Variants in GALNTL6 observed in about 807,000 individuals in gnomAD.
GALNTL6 encodes polypeptide N-acetylgalactosaminyltransferase-like 6.
GALNTL6 carries 46 observed loss-of-function variants against 73.7 expected under a neutral mutation model. That is an observed-to-expected ratio of 0.62 (90% CI 0.49 to 0.80). GALNTL6 has a LOEUF of 0.80. Among genes scored for constraint, GALNTL6 ranks in the 30% least tolerant of loss-of-function variants. The pLI, the probability that GALNTL6 is intolerant of heterozygous loss-of-function variation, is 0.00. For synonymous variants in GALNTL6, 259 were observed against 263.7 expected (o/e 0.98, Z 0.17); for missense variants, 604 against 755.0 (o/e 0.80, Z 2.34).
At chr4:172,955,558 T>C (rs941178459) in intron 10 of GALNTL6, among the ~76,000 whole-genome samples, 1 of 152,192 alleles carries the variant, frequency 6.6e-6, no homozygotes, top group Admixed American at 6.5e-5. Flanking sequence ...TGTTGACACA[T>C]GCGATTTCTT....
chr4:172,944,451 TAA>T, intron 9 of GALNTL6, among the ~76,000 whole-genome samples: 1 of 152,322 alleles, frequency 6.6e-6, no homozygotes. Flanking sequence ...TGGCCAAAAT[TAA>T]AAAGACTGAC....
intron 2 of GALNTL6, among the ~76,000 whole-genome samples, chr4:172,060,998 G>T (rs953878382): frequency 6.6e-5 from 10 of 151,988 alleles, no homozygotes; most frequent in Non-Finnish European, 1.3e-4. Context: ...AATATGTTTG[G>T]TACTAATGTG....
rs1484400559 is a variant in GALNTL6 at position 172,512,406 on chromosome 4, C to T, written c.553+163717C>T. 5.9e-5 allele frequency among the ~76,000 whole-genome samples: 9 copies of T among 151,326 alleles called. No homozygotes were observed. In the East Asian group the frequency reaches 1.4e-3, roughly 23 times the overall value. ...TCTTATCCATTCTGCCATTCTGTATCTTTTAAGTGGAGCATTTAGGCCATT... is the reference window on the plus strand; with the variant it reads ...TCTTATCCATTCTGCCATTCTGTATTTTTTAAGTGGAGCATTTAGGCCATT... On this transcript the variant is annotated intron_variant, in intron 5 of 12. Transcript: ENST00000506823.
chr4:172,281,610 C>G lies in GALNTL6; in HGVS notation c.248-30004C>G, dbSNP rs1245823329. Among the ~76,000 whole-genome samples, 5 of 152,146 alleles carry G rather than the reference C, an allele frequency of 3.3e-5. No individual in the cohort carries two copies. In the East Asian group the frequency reaches 9.7e-4, roughly 29 times the overall value. On this transcript the variant is annotated intron_variant, in intron 3 of 12. Transcript: ENST00000506823. ...CCTGTAATCCCAGCTACTTGGGAGA[C>G]TGAGGCAGGAGAATCGTTTGAACCC...
At chr4:172,137,557 G>A (rs1733671082) in intron 2 of GALNTL6, among the ~76,000 whole-genome samples, 2 of 152,128 alleles carry the variant, frequency 1.3e-5, no homozygotes, top group African/African-American at 4.8e-5. Flanking sequence ...GACCTGAATG[G>A]AGAGAAGCCA....
At position 171,935,154 on chromosome 4, in the gene GALNTL6, C is replaced by T. The variant is rs539976041; in HGVS notation, c.138+120436C>T. 2.3e-4 allele frequency among the ~76,000 whole-genome samples: 35 copies of T among 152,170 alleles called. No individual in the cohort carries two copies. The South Asian group carries it at 7.2e-3, about 32-fold the overall frequency. ...GTGAGAGGTACTTCCGGACAGGTTC[C>T]AGTTAGATTTATAACCCTAAATTTT... is the stretch of plus-strand genomic sequence containing the variant. On this transcript the variant is annotated intron_variant, in intron 2 of 12. Coordinates refer to ENST00000506823, the MANE Select transcript of GALNTL6 (RefSeq NM_001034845.3).
chr4:172,535,995 T>C (rs1021793150), intron 5 of GALNTL6, among the ~76,000 whole-genome samples: 4 of 152,198 alleles, frequency 2.6e-5, no homozygotes, highest in African/African-American at 7.2e-5. Context: ...AATTAAATCA[T>C]GGTGGTGGTT....
chr4:172,356,661 G>T (rs1473377154), intron 5 of GALNTL6, among the ~76,000 whole-genome samples: 5 of 152,102 alleles, frequency 3.3e-5, no homozygotes, highest in African/African-American at 9.7e-5. Context: ...GTCAACTGAG[G>T]AATAAATTCA....
chr4:172,188,115 A>G (rs1377027147), intron 2 of GALNTL6, among the ~76,000 whole-genome samples: 1 of 152,204 alleles, frequency 6.6e-6, no homozygotes, highest in Non-Finnish European at 1.5e-5. Flanking sequence ...TAAATCATTG[A>G]TCATTCGTTG....
At chr4:172,992,008 C>T (rs1487061517) in intron 10 of GALNTL6, among the ~76,000 whole-genome samples, 1 of 152,186 alleles carries the variant, frequency 6.6e-6, no homozygotes, top group Non-Finnish European at 1.5e-5. Flanking sequence ...CTTGCTTAAA[C>T]TTTTAGTTCT....
chr4:172,803,521 T>C (rs1740779876), intron 5 of GALNTL6, among the ~76,000 whole-genome samples: 1 of 152,152 alleles, frequency 6.6e-6, no homozygotes, highest in Admixed American at 6.5e-5. Flanking sequence ...ACCACTTATC[T>C]AAAGAAATGA....
At chr4:171,989,109 C>T (rs1377179149) in intron 2 of GALNTL6, among the ~76,000 whole-genome samples, 1 of 151,944 alleles carries the variant, frequency 6.6e-6, no homozygotes, top group African/African-American at 2.4e-5. Context: ...AGAAGCCTGG[C>T]CGTCAATAGC....
intron 8 of GALNTL6, among the ~76,000 whole-genome samples, chr4:172,888,315 T>G (rs1447183972): frequency 1.3e-5 from 2 of 152,230 alleles, no homozygotes; most frequent in African/African-American, 4.8e-5. Context: ...TTTTTATAGC[T>G]TAAGGTCTTA....
rs541963074 is a variant in GALNTL6, at chr4:172,627,395, A to G, written c.554-181966A>G. Among the ~76,000 whole-genome samples, 3 of 152,164 alleles carry G rather than the reference A, an allele frequency of 2.0e-5. No individual in the cohort carries two copies. The South Asian group carries it at 6.2e-4, about 32-fold the overall frequency. On this transcript the variant is annotated intron_variant, in intron 5 of 12. Coordinates refer to ENST00000506823, the MANE Select transcript of GALNTL6 (RefSeq NM_001034845.3). Reference sequence around the variant, plus strand: ...TGATGCGCTGTGGATTCAACTTGCAAGTGTTTTGTTGAGGATTTTTGCATT... The same window carrying G: ...TGATGCGCTGTGGATTCAACTTGCAGGTGTTTTGTTGAGGATTTTTGCATT...
At chr4:172,013,611 A>C in intron 2 of GALNTL6, among the ~76,000 whole-genome samples, 1 of 152,032 alleles carries the variant, frequency 6.6e-6, no homozygotes, top group East Asian at 1.9e-4. Context: ...TGTGGGGCAC[A>C]TGAAACATTT....
At chr4:172,346,246 T>G (rs1192146127) in intron 4 of GALNTL6, among the ~76,000 whole-genome samples, 1 of 152,242 alleles carries the variant, frequency 6.6e-6, no homozygotes, top group Non-Finnish European at 1.5e-5. Context: ...GATGTGTATA[T>G]GATATATGAA....
chr4:172,062,732 GC>G (rs1358676083), intron 2 of GALNTL6, among the ~76,000 whole-genome samples: 3 of 152,138 alleles, frequency 2.0e-5, no homozygotes, highest in African/African-American at 7.2e-5. Context: ...TTGGCCTTTT[GC>G]CCTGTGCTCC....
chr4:172,636,632 C>G (rs1739697976), intron 5 of GALNTL6, among the ~76,000 whole-genome samples: 1 of 152,162 alleles, frequency 6.6e-6, no homozygotes, highest in South Asian at 2.1e-4. Context: ...AGATTCTTAC[C>G]CACAGCCTTC....
intron 3 of GALNTL6, among the ~76,000 whole-genome samples, chr4:172,309,866 A>G (rs535122242): frequency 1.3e-5 from 2 of 152,300 alleles, no homozygotes; most frequent in Non-Finnish European, 2.9e-5. Flanking sequence ...AAGGTAAAAC[A>G]CATCTACAAA....
Sources: allele counts gnomAD v4.1 joint callset (sites outside exome capture counted in the v4.1 genomes callset), GRCh38; gene constraint gnomAD v4.1.1; transcripts MANE v1.5; gene names NCBI Gene and HGNC (gene_info 2026-07-23, HGNC 2026-07-21).